PREX2: variants seen among roughly 807,000 people sequenced by gnomAD.
The protein encoded by PREX2 is phosphatidylinositol 3,4,5-trisphosphate-dependent Rac exchanger 2 protein.
A neutral mutation model predicts 203.2 loss-of-function variants in PREX2; 107 were observed. The observed-to-expected ratio is 0.53, with a 90% CI of 0.45 to 0.62. The LOEUF (loss-of-function observed/expected upper bound fraction) is 0.62, where lower values mean the gene tolerates loss of function less well. Among genes scored for constraint, PREX2 ranks in the 20% least tolerant of loss-of-function variants. The pLI is 0.00. For synonymous variants in PREX2, 672 were observed against 663.6 expected, an observed-to-expected ratio of 1.01 and a Z score of -0.19; for missense variants, 1,777 against 1,955.9, an observed-to-expected ratio of 0.91 and a Z score of 1.72.
rs558541598 is a variant in PREX2 at position 68,167,408 on chromosome 8, G to A, written c.4346+9972G>A. On this transcript the variant is annotated intron_variant, in intron 35 of 39. Coordinates refer to ENST00000288368, the MANE Select transcript of PREX2 (RefSeq NM_024870.4). ...CAGTGCAGTGGTGCAATCTTGGCTC[G>A]CTATAACCTCTGCCTCCCAGGTTCA... Among the ~76,000 whole-genome samples, 142 of 150,524 alleles carry A rather than the reference G, an allele frequency of 9.4e-4. 2 individuals are homozygous for A. The highest frequency in any genetic ancestry group is 3.4e-3 in the Middle Eastern group (1 of 292).
rs190715413 is a variant in PREX2 at position 68,225,978 on chromosome 8, G to C, written c.4775+1352G>C. 1.1e-3 allele frequency among the ~76,000 whole-genome samples: 173 copies of C among 152,148 alleles called. 1 individual carries two copies. The highest frequency in any genetic ancestry group is 4.0e-3 in the African/African-American group (164 of 41,506). ...GGTGGGGATCAGACTTCAGCACCCT[G>C]ATCAATAAACCAGTGTGCAAGCTGA... On this transcript the variant is annotated intron_variant, in intron 39 of 39. Transcript: ENST00000288368.
Position 68,134,072 on chromosome 8 carries a change from G to T in PREX2, c.3780G>T (p.Gln1260His). The change falls in exon 32 of 40, where the codon CAG becomes CAT. Residue 1260 changes from glutamine to histidine, a missense_variant. Gln to His is a conservative substitution (Grantham distance 24). Transcript: ENST00000288368. Reference protein sequence around the residue: ...ALLEYSDSETQLRRDMVFCQT... With the variant: ...ALLEYSDSETHLRRDMVFCQT... ...CTTTGATCACAGATAGTGAGACACA[G>T]CTCCGTAGAGACATGGTTTTCTGCC... is the stretch of plus-strand genomic sequence containing the variant. The T allele has an allele frequency of 6.2e-7, 1 of 1,613,958 alleles. No homozygotes were observed. The highest frequency in any genetic ancestry group is 1.3e-5 in the African/African-American group (1 of 75,078).
chr8:68,210,222 A>G (rs1209618776), intron 37 of PREX2, among the ~76,000 whole-genome samples: 3 of 152,184 alleles, frequency 2.0e-5, no homozygotes, highest in Admixed American at 1.3e-4. Flanking sequence ...ATCCCCTACT[A>G]AAGTTTACAT....
At chr8:67,999,647 C>A (rs1287897725) in intron 1 of PREX2, among the ~76,000 whole-genome samples, 1 of 151,926 alleles carries the variant, frequency 6.6e-6, no homozygotes, top group Non-Finnish European at 1.5e-5. Flanking sequence ...CAAAACCTGG[C>A]AGAGAGACAA....
intron 1 of PREX2, among the ~76,000 whole-genome samples, chr8:67,975,608 G>A (rs1806054556): frequency 6.6e-6 from 1 of 151,110 alleles, no homozygotes; most frequent in Non-Finnish European, 1.5e-5. Context: ...GTGTGGCAGG[G>A]AAGCAGTGCC....
chr8:68,071,506 C>T (rs888945964), intron 13 of PREX2, among the ~76,000 whole-genome samples: 7 of 152,094 alleles, frequency 4.6e-5, no homozygotes, highest in African/African-American at 1.4e-4. Flanking sequence ...AAGTCTTTTG[C>T]AGTTTAGAAT....
chr8:68,099,321 T>C (rs1309828264), intron 22 of PREX2, among the ~76,000 whole-genome samples: 1 of 152,136 alleles, frequency 6.6e-6, no homozygotes, highest in African/African-American at 2.4e-5. Context: ...AAAAATGTTC[T>C]GAGTGACTCT....
At chr8:68,031,339 A>G (rs1482860811) in intron 6 of PREX2, among the ~76,000 whole-genome samples, 1 of 152,222 alleles carries the variant, frequency 6.6e-6, no homozygotes, top group Non-Finnish European at 1.5e-5. Flanking sequence ...AATTTATATG[A>G]GTATAAGCTT....
At chr8:68,084,752 A>G (rs1039546795) in intron 18 of PREX2, among the ~76,000 whole-genome samples, 7 of 152,168 alleles carry the variant, frequency 4.6e-5, no homozygotes, top group African/African-American at 1.7e-4. Context: ...CTAGGAGAAG[A>G]CTGTCCTGCT....
intron 35 of PREX2, among the ~76,000 whole-genome samples, chr8:68,165,560 A>G (rs1811745432): frequency 6.6e-6 from 1 of 152,044 alleles, no homozygotes; most frequent in South Asian, 2.1e-4. Context: ...TCACTATGTC[A>G]CAAGAGGAGT....
intron 1 of PREX2, among the ~76,000 whole-genome samples, chr8:67,973,149 C>A (rs1175196030): frequency 6.6e-6 from 1 of 152,174 alleles, no homozygotes; most frequent in East Asian, 1.9e-4. Flanking sequence ...CTGAAGTAGT[C>A]TCCTTTACTT....
At chr8:68,074,058 T>C (rs1310947718) in intron 14 of PREX2, among the ~76,000 whole-genome samples, 1 of 151,940 alleles carries the variant, frequency 6.6e-6, no homozygotes, top group Non-Finnish European at 1.5e-5. Context: ...CTTTCGCCTC[T>C]GGGGTTCAAG....
At chr8:68,079,025 A>G (rs1293870230) in intron 15 of PREX2, among the ~76,000 whole-genome samples, 1 of 152,130 alleles carries the variant, frequency 6.6e-6, no homozygotes, top group Non-Finnish European at 1.5e-5. Context: ...AAGTCAATCT[A>G]AAATAGGTTC....
intron 19 of PREX2, among the ~76,000 whole-genome samples, chr8:68,089,201 T>C (rs1270423924): frequency 2.2e-5 from 3 of 134,412 alleles, no homozygotes; most frequent in African/African-American, 8.9e-5. Flanking sequence ...TTCTCTCTTT[T>C]TCCCTTGTAG....
chr8:67,997,874 T>A (rs902524896), intron 1 of PREX2, among the ~76,000 whole-genome samples: 8 of 152,208 alleles, frequency 5.3e-5, no homozygotes, highest in African/African-American at 7.2e-5. Context: ...ATTGAGCTCT[T>A]CAATCCATGA....
intron 1 of PREX2, among the ~76,000 whole-genome samples, chr8:67,968,353 AT>A (rs1449638671): frequency 1.2e-4 from 18 of 151,896 alleles, no homozygotes; most frequent in Non-Finnish European, 2.4e-4. Context: ...TGGTGCTGAC[AT>A]TTTTTTCAGG....
At chr8:68,002,782 A>T (rs1430947522) in intron 1 of PREX2, among the ~76,000 whole-genome samples, 2 of 152,210 alleles carry the variant, frequency 1.3e-5, no homozygotes, top group Non-Finnish European at 2.9e-5. Flanking sequence ...ATTTAAAATT[A>T]TAATGCCTAC....
chr8:68,006,704 A>G lies in PREX2; in HGVS notation c.142-11142A>G, dbSNP rs752404778. Among the ~76,000 whole-genome samples, 77 of 152,320 alleles carry G rather than the reference A, an allele frequency of 5.1e-4. 1 individual carries two copies. Among genetic ancestry groups the G allele is most frequent in the Non-Finnish European group, 1.0e-3 (69 of 68,032 alleles). On this transcript the variant is annotated intron_variant, in intron 1 of 39. Transcript: ENST00000288368. ...GTTCAAGCTTTAAGCTCTGCAAATA[A>G]TTGCCCTAAACCAGATTAATTATCA... is the stretch of plus-strand genomic sequence containing the variant.
intron 26 of PREX2, among the ~76,000 whole-genome samples, chr8:68,116,285 TG>T (rs1334131162): frequency 1.3e-5 from 2 of 152,218 alleles, no homozygotes; most frequent in Non-Finnish European, 2.9e-5. Context: ...ACTGGTTTAT[TG>T]GGTAGTGAAT....
Sources: allele counts gnomAD v4.1 joint callset (sites outside exome capture counted in the v4.1 genomes callset), GRCh38; gene constraint gnomAD v4.1.1; transcripts MANE v1.5; gene names NCBI Gene and HGNC (gene_info 2026-07-23, HGNC 2026-07-21).